ABAT: variants seen among roughly 807,000 people sequenced by gnomAD.
ABAT encodes the protein 4-aminobutyrate aminotransferase, mitochondrial.
ABAT carries 45 observed loss-of-function variants against 64.6 expected under a neutral mutation model. That is an observed-to-expected ratio of 0.70 (90% CI 0.55 to 0.89). The LOEUF is 0.89. ABAT is among the 40% of genes least tolerant of loss of function. The pLI, the probability that ABAT is intolerant of heterozygous loss-of-function variation, is 0.00. For synonymous variants in ABAT, 297 were observed against 250.5 expected (o/e 1.19, Z -1.75); for missense variants, 633 against 658.4 (o/e 0.96, Z 0.42).
intron 1 of ABAT, among the ~76,000 whole-genome samples, chr16:8,681,229 G>T (rs1048954560): frequency 6.6e-6 from 1 of 151,730 alleles, no homozygotes; most frequent in Admixed American, 6.6e-5. Context: ...AGGATCAAGC[G>T]ATTCTCCCAC....
chr16:8,754,680 TTCTTTCTTTCTTTCTTTC>T (rs1239625263), intron 5 of ABAT, among the ~76,000 whole-genome samples: 3 of 5,464 alleles, frequency 5.5e-4, no homozygotes, highest in Non-Finnish European at 4.0e-3. Flanking sequence ...ATTTCTTTCT[TTCTTTCTTTCTTTCTTTC>T]TTTCTTTCTT....
rs536596129 is a variant in ABAT, at chr16:8,769,475, C to T, written c.816+502C>T. 1.0e-4 allele frequency among the ~76,000 whole-genome samples: 15 copies of T among 149,580 alleles called. No individual in the cohort carries two copies. In the South Asian group the frequency reaches 2.7e-3, roughly 27 times the overall value. On this transcript the variant is annotated intron_variant, in intron 11 of 15. Coordinates refer to ENST00000268251, the MANE Select transcript of ABAT (RefSeq NM_020686.6). ...TAGGGAGGCTGAGGCACAAGAATCC[C>T]TTGGACCCGGGAGGCAGAGGTTGCA...
At chr16:8,749,715 G>T (rs1384417760) in intron 4 of ABAT, among the ~76,000 whole-genome samples, 1 of 149,170 alleles carries the variant, frequency 6.7e-6, no homozygotes, top group African/African-American at 2.5e-5. Flanking sequence ...CTCTTTTAAT[G>T]TTTTTGTTTT....
chr16:8,776,625 C>A lies in ABAT; in HGVS notation c.1269+135C>A, dbSNP rs1350419504. The stretch of plus-strand genomic sequence containing the variant: ...TCGTAACGGGCTGTGCTGCTCCTAG[C>A]CTTGGGGGCTTTGCACATGCTGTGT... On this transcript the variant is annotated intron_variant, in intron 14 of 15. Transcript: ENST00000268251. This position sits in a 1 kb window ranked among gnomAD's most constrained non-coding sequence, Gnocchi z 4.4. 5 of 963,970 alleles carry A rather than the reference C, an allele frequency of 5.2e-6. No homozygotes were observed. The highest frequency in any genetic ancestry group is 6.3e-6 in the Non-Finnish European group (4 of 631,854). The allele number at this position is 963,970 out of a possible 1,614,324, so 59.7% of individuals were successfully genotyped here. A position where few individuals can be genotyped will look rare whatever the true frequency, so the allele number is the denominator to read the frequency against.
chr16:8,707,300 C>T (rs1266215534), intron 1 of ABAT, among the ~76,000 whole-genome samples: 1 of 151,794 alleles, frequency 6.6e-6, no homozygotes, highest in South Asian at 2.1e-4. Context: ...CATCCTCCCA[C>T]CTCAGCCTAC....
chr16:8,732,904 C>T lies in ABAT; in HGVS notation c.-41-2795C>T, dbSNP rs563624461. 3.6e-3 allele frequency among the ~76,000 whole-genome samples: 543 copies of T among 149,048 alleles called. 3 individuals carry two copies. Among genetic ancestry groups the T allele is most frequent in the Non-Finnish European group, 6.3e-3 (425 of 67,362 alleles). ...GGCAGAGGCGCCCCTCACCTCCGGA[C>T]GGGGCGGCTGGCCGGGCGGGGGGCT... On this transcript the variant is annotated intron_variant, in intron 1 of 15. Coordinates refer to ENST00000268251, the MANE Select transcript of ABAT (RefSeq NM_020686.6).
chr16:8,681,604 T>C (rs3108684), intron 1 of ABAT, among the ~76,000 whole-genome samples: 89,078 of 149,514 alleles, frequency 0.6, 26,936 homozygotes, highest in East Asian at 0.76. Flanking sequence ...ATGAGGTCTT[T>C]CTGCATTAGA....
At chr16:8,680,983 TA>T (rs779486325) in intron 1 of ABAT, among the ~76,000 whole-genome samples, 2,007 of 46,680 alleles carry the variant, frequency 0.043, 42 homozygotes, top group Middle Eastern at 0.087. Context: ...TTTATTTATC[TA>T]TTTTTTTTTT....
At chr16:8,741,701 T>C (rs1415732397) in intron 2 of ABAT, among the ~76,000 whole-genome samples, 1 of 152,232 alleles carries the variant, frequency 6.6e-6, no homozygotes, top group Non-Finnish European at 1.5e-5. Context: ...ATTAAGAGAA[T>C]ATTCATTGTA....
At chr16:8,761,471 C>T (rs573858198) in intron 6 of ABAT, among the ~76,000 whole-genome samples, 2 of 152,364 alleles carry the variant, frequency 1.3e-5, no homozygotes, top group African/African-American at 4.8e-5. Flanking sequence ...TTGACATTTG[C>T]TCATTCATTG....
chr16:8,710,727 A>AGAGAGAGAGAGAAAGAGGGAGAGGGAGG (rs146344975), intron 1 of ABAT, among the ~76,000 whole-genome samples: 1 of 103,700 alleles, frequency 9.6e-6, no homozygotes, highest in Non-Finnish European at 2.1e-5. Context: ...AGAGAGAGAG[A>AGAGAGAGAGAGAAAGAGGGAGAGGGAGG]GAGGAAATAG....
intron 2 of ABAT, among the ~76,000 whole-genome samples, chr16:8,741,800 T>C (rs938016892): frequency 6.6e-6 from 1 of 152,190 alleles, no homozygotes; most frequent in African/African-American, 2.4e-5. Flanking sequence ...AGAACCTGGG[T>C]TCCAATGCTG....
At chr16:8,697,377 G>A (rs776003967) in intron 1 of ABAT, among the ~76,000 whole-genome samples, 1 of 152,122 alleles carries the variant, frequency 6.6e-6, no homozygotes, top group Non-Finnish European at 1.5e-5. Flanking sequence ...TGGCTGCTCC[G>A]TGCAAAGTGG....
rs540370763 is a variant in ABAT, at chr16:8,711,489, A to C, written c.-41-24210A>C. 5.9e-5 allele frequency among the ~76,000 whole-genome samples: 9 copies of C among 152,330 alleles called. No individual in the cohort carries two copies. The East Asian group carries it at 1.5e-3, about 26-fold the overall frequency. On this transcript the variant is annotated intron_variant, in intron 1 of 15. Coordinates refer to ENST00000268251, the MANE Select transcript of ABAT (RefSeq NM_020686.6). ...TTCTGGCTTGAACAAATGAGTAGGC[A>C]GTGGGTCTGTTAATGGAGATGCTCA...
In ABAT at chr16:8,717,935, C is replaced by G. The variant is rs188373083; in HGVS notation, c.-41-17764C>G. 3.1e-3 allele frequency among the ~76,000 whole-genome samples: 474 copies of G among 152,094 alleles called. 5 individuals are homozygous for G. Among genetic ancestry groups the G allele is most frequent in the African/African-American group, 0.011 (457 of 41,494 alleles). On this transcript the variant is annotated intron_variant, in intron 1 of 15. Transcript: ENST00000268251. Reference sequence around the variant, plus strand: ...CTCCCAACATGCTGGGATTACACATCAGGTCCCAGGTCACCTCTTCTCCAT... The same window carrying G: ...CTCCCAACATGCTGGGATTACACATGAGGTCCCAGGTCACCTCTTCTCCAT...
chr16:8,742,683 G>A (rs2059196128), intron 2 of ABAT, among the ~76,000 whole-genome samples: 1 of 151,936 alleles, frequency 6.6e-6, no homozygotes, highest in African/African-American at 2.4e-5. Context: ...TGGGAAACAT[G>A]GCAAAACCCC....
chr16:8,735,255 G>C (rs1479047351), intron 1 of ABAT, among the ~76,000 whole-genome samples: 1 of 150,610 alleles, frequency 6.6e-6, no homozygotes, highest in Non-Finnish European at 1.5e-5. Context: ...GTTTTGTTTT[G>C]GTTTGGTTTT....
At position 8,764,683 on chromosome 16, in the gene ABAT, C is replaced by A; in HGVS notation, c.448-55C>A. The A allele has an allele frequency of 3.3e-6, 5 of 1,507,360 alleles. No individual in the cohort carries two copies. The highest frequency in any genetic ancestry group is 3.7e-6 in the Non-Finnish European group (4 of 1,083,538). 93.4% of individuals were successfully genotyped at this position (1,507,360 alleles called of 1,614,324 possible). ...AAGATTCAGCTCCAGCCAGGGGAAGCGGGAGGACAGGAGTCATGATGAGCC... is the reference window on the plus strand; with the variant it reads ...AAGATTCAGCTCCAGCCAGGGGAAGAGGGAGGACAGGAGTCATGATGAGCC... On this transcript the variant is annotated intron_variant, in intron 7 of 15. Transcript: ENST00000268251. This position sits in a 1 kb window ranked among gnomAD's most constrained non-coding sequence, Gnocchi z 4.2.
chr16:8,726,569 C>A (rs1211157408), intron 1 of ABAT, among the ~76,000 whole-genome samples: 1 of 152,180 alleles, frequency 6.6e-6, no homozygotes, highest in African/African-American at 2.4e-5. Flanking sequence ...GTATGAACCA[C>A]ATTTTCTTTA....
Sources: allele counts gnomAD v4.1 joint callset (sites outside exome capture counted in the v4.1 genomes callset), GRCh38; gene constraint gnomAD v4.1.1; non-coding constraint Gnocchi (gnomAD v3.1); transcripts MANE v1.5; gene names NCBI Gene and HGNC (gene_info 2026-07-23, HGNC 2026-07-21).